The following SLF1 variants were observed in gnomAD, a reference collection of about 807,000 sequenced individuals.
The protein encoded by SLF1 is SMC5-SMC6 complex localization factor protein 1.
In SLF1, 105 loss-of-function variants were observed where a neutral mutation model predicts 123.0. The observed-to-expected ratio is 0.85, with a 90% CI of 0.73 to 1.00. The LOEUF (loss-of-function observed/expected upper bound fraction) is 1.00, where lower values mean the gene tolerates loss of function less well. SLF1 is among the 50% of genes least tolerant of loss of function. SLF1 has a pLI of 0.00. For synonymous variants in SLF1, 434 were observed against 406.6 expected (o/e 1.07, Z -0.81); for missense variants, 1,239 against 1,223.0 (o/e 1.01, Z -0.20).
At chr5:94,694,200 A>G (rs1753339145) in intron 20 of SLF1, among the ~76,000 whole-genome samples, 1 of 151,956 alleles carries the variant, frequency 6.6e-6, no homozygotes, top group South Asian at 2.1e-4. Flanking sequence ...CTTAGTGGAT[A>G]AACTCTATCT....
At chr5:94,678,717 G>A in intron 14 of SLF1, 91 bp from the exon 15 acceptor site, 1 of 1,163,362 alleles carries the variant, frequency 8.6e-7, no homozygotes, top group Non-Finnish European at 1.2e-6. Flanking sequence ...AAATAGCTAT[G>A]TTTTGCCCCT....
chr5:94,621,486 C>T (rs78562809), intron 1 of SLF1, among the ~76,000 whole-genome samples: 1 of 152,170 alleles, frequency 6.6e-6, no homozygotes, highest in East Asian at 1.9e-4. Flanking sequence ...CAACCTTAGA[C>T]GTATGGTCTT....
intron 1 of SLF1, among the ~76,000 whole-genome samples, chr5:94,624,887 TA>T (rs1792091126): frequency 1.3e-5 from 2 of 151,930 alleles, no homozygotes; most frequent in African/African-American, 4.8e-5. Flanking sequence ...CATATGTGTT[TA>T]AAACTCTTGT....
chr5:94,640,551 A>G (rs1391152590), intron 4 of SLF1, among the ~76,000 whole-genome samples: 1 of 150,330 alleles, frequency 6.7e-6, no homozygotes, highest in Non-Finnish European at 1.5e-5. Flanking sequence ...TAAATATGAT[A>G]CTCTCCAGCC....
intron 5 of SLF1, among the ~76,000 whole-genome samples, chr5:94,646,865 TACC>T (rs1280613134): frequency 2.0e-5 from 3 of 152,206 alleles, no homozygotes; most frequent in Non-Finnish European, 4.4e-5. Context: ...TTACTATTAC[TACC>T]TTGAGTAATA....
intron 12 of SLF1, among the ~76,000 whole-genome samples, chr5:94,667,669 T>G (rs982898530): frequency 1.3e-5 from 2 of 152,232 alleles, no homozygotes; most frequent in African/African-American, 4.8e-5. Context: ...ACCACTTTCT[T>G]GAATGTGTCC....
Position 94,649,442 on chromosome 5 carries a change from A to G in SLF1, c.595-12A>G. 1 of 1,475,846 alleles carries G rather than the reference A, an allele frequency of 6.8e-7. No homozygotes were observed. Among genetic ancestry groups the G allele is most frequent in the Non-Finnish European group, 9.1e-7 (1 of 1,098,060 alleles). 91.4% of individuals were successfully genotyped at this position (1,475,846 alleles called of 1,614,324 possible). A position where few individuals can be genotyped will look rare whatever the true frequency, so the allele number is the denominator to read the frequency against. On this transcript the variant is annotated splice_polypyrimidine_tract_variant and intron_variant, in intron 5 of 20. Transcript: ENST00000265140. Reference sequence around the variant, plus strand: ...TTAGATGATTGCCTAAACCATTTTTACATACATACAGAAAGAAATTCAGAA... The same window carrying G: ...TTAGATGATTGCCTAAACCATTTTTGCATACATACAGAAAGAAATTCAGAA...
Position 94,663,828 on chromosome 5 carries a change from A to G in SLF1, c.1288A>G (p.Ile430Val), listed in dbSNP as rs1451453253. 6 of 1,550,930 alleles carry G rather than the reference A, an allele frequency of 3.9e-6. No individual in the cohort carries two copies. The highest frequency in any genetic ancestry group is 2.4e-5 in the South Asian group (2 of 83,842). The change falls in exon 11 of 21, where the codon ATT (isoleucine) becomes GTT (valine). Residue 430 changes from isoleucine (I) to valine (V), a missense_variant. By Grantham distance (29) the Ile-to-Val change is conservative (BLOSUM62 3). Coordinates refer to ENST00000265140, the MANE Select transcript of SLF1 (RefSeq NM_032290.4). ...LIEGHFFKEA[I>V]EELSTLQAHY... ...AGAAGGACATTTTTTTAAAGAAGCA[A>G]TTGAGGAACTTTCCACTTTGCAGGC... is the stretch of plus-strand genomic sequence containing the variant.
At chr5:94,636,294 G>A (rs1389010196) in intron 4 of SLF1, among the ~76,000 whole-genome samples, 3 of 152,118 alleles carry the variant, frequency 2.0e-5, no homozygotes, top group Non-Finnish European at 4.4e-5. Flanking sequence ...TAGAAACCAC[G>A]ATGCTTCTTG....
chr5:94,638,339 A>C (rs1266903860), intron 4 of SLF1, among the ~76,000 whole-genome samples: 2 of 151,836 alleles, frequency 1.3e-5, no homozygotes, highest in African/African-American at 2.4e-5. Context: ...CCACCACGCC[A>C]GCTAATTTTT....
At chr5:94,621,161 G>A (rs73134693) in intron 1 of SLF1, among the ~76,000 whole-genome samples, 12,432 of 152,110 alleles carry the variant, frequency 0.082, 561 homozygotes, top group South Asian at 0.12. Context: ...TTTCTTTTGT[G>A]TTAGCTGAAA....
chr5:94,649,546 A>G lies in SLF1; in HGVS notation c.687A>G (p.Ala229=), dbSNP rs184161471. ...CAAACAAAGATTTCAGGAAAGATGC[A>G]GGATTTCTTGAAATGAAAGGTGCCT... is the stretch of plus-strand genomic sequence containing the variant. ...EETNKDFRKD[A]GFLEMKGALR... Residue 229 remains alanine, a synonymous_variant, in exon 6 of 21, where the codon GCA becomes GCG. Transcript: ENST00000265140. The G allele has an allele frequency of 1.3e-4, 199 of 1,538,944 alleles. No individual in the cohort carries two copies. The African/African-American group carries it at 2.4e-3, about 19-fold the overall frequency.
intron 7 of SLF1, among the ~76,000 whole-genome samples, chr5:94,652,083 C>G (rs185970783): frequency 4.0e-5 from 6 of 151,618 alleles, no homozygotes; most frequent in East Asian, 3.9e-4. Context: ...TCTTAGCTCA[C>G]TGCAACCTCT....
At chr5:94,668,357 G>A (rs764754840) in intron 12 of SLF1, among the ~76,000 whole-genome samples, 13 of 151,856 alleles carry the variant, frequency 8.6e-5, no homozygotes, top group African/African-American at 1.2e-4. Context: ...TTTTTGAGAA[G>A]AAGTTTCGCT....
intron 12 of SLF1, among the ~76,000 whole-genome samples, chr5:94,667,689 T>G (rs1220865758): frequency 1.3e-5 from 2 of 152,236 alleles, no homozygotes; most frequent in Admixed American, 1.3e-4. Context: ...CAATAGTTAT[T>G]TTCCATATCC....
In SLF1 at chr5:94,618,726, C is replaced by A. The variant is rs1049366951; in HGVS notation, c.-40C>A. The A allele has an allele frequency of 6.5e-6, 1 of 154,936 alleles. No homozygotes were observed. Among genetic ancestry groups the A allele is most frequent in the Middle Eastern group, 5.2e-4 (1 of 1,926 alleles). The allele number at this position is 154,936 out of a possible 1,614,324, so 9.6% of individuals were successfully genotyped here. ...CTGCAGCGGCAGTCGTCGCCCCTGC[C>A]GCCGCTGCCACCGAAGGAAGCATCC... On this transcript the variant is annotated 5_prime_UTR_variant, in exon 1 of 21. Coordinates refer to ENST00000265140, the MANE Select transcript of SLF1 (RefSeq NM_032290.4).
intron 4 of SLF1, among the ~76,000 whole-genome samples, chr5:94,641,124 A>G (rs879049742): frequency 2.0e-5 from 3 of 152,142 alleles, no homozygotes; most frequent in African/African-American, 7.2e-5. Flanking sequence ...AGTATGGGTG[A>G]TTGAGTTAAT....
At chr5:94,636,955 A>G (rs1048523970) in intron 4 of SLF1, among the ~76,000 whole-genome samples, 2 of 151,944 alleles carry the variant, frequency 1.3e-5, no homozygotes, top group Admixed American at 1.3e-4. Context: ...GCTGACCTTA[A>G]GTGATCCACC....
chr5:94,674,162 CT>C, intron 14 of SLF1, among the ~76,000 whole-genome samples: 1 of 151,978 alleles, frequency 6.6e-6, no homozygotes, highest in East Asian at 1.9e-4. Flanking sequence ...TAGAACGTTT[CT>C]TTTTTTCATT....
Sources: gnomAD v4.1 joint callset for allele counts (sites outside exome capture counted in the v4.1 genomes callset) on GRCh38, gnomAD v4.1.1 for gene constraint, MANE v1.5 for transcripts, NCBI Gene and HGNC (gene_info 2026-07-23, HGNC 2026-07-21) for gene names.